The following CAND1 variants were observed in gnomAD, a reference collection of about 807,000 sequenced individuals.
CAND1 encodes cullin associated and neddylation dissociated 1, also known as cullin-associated NEDD8-dissociated protein 1.
Under a neutral mutation model 108.5 loss-of-function variants are expected in CAND1, and 7 were observed. That is an observed-to-expected ratio of 0.06 (90% CI 0.04 to 0.12). The LOEUF is 0.12. Ranked by LOEUF, CAND1 falls within the 10% of genes least tolerant of loss-of-function variation. CAND1 has a pLI of 1.00. For synonymous variants in CAND1, 534 were observed against 512.0 expected (o/e 1.04, Z -0.58); for missense variants, 941 against 1,448.7 (o/e 0.65, Z 5.69).
At chr12:67,273,383 C>A (rs1443952508) in intron 1 of CAND1, among the ~76,000 whole-genome samples, 1 of 151,796 alleles carries the variant, frequency 6.6e-6, no homozygotes, top group African/African-American at 2.4e-5. Context: ...TCGGTTGATA[C>A]CAGAGTGAAA....
In CAND1 at chr12:67,313,096, G is replaced by T; in HGVS notation, c.*266G>T. On this transcript the variant is annotated 3_prime_UTR_variant, in exon 15 of 15. Transcript: ENST00000545606. ...CATTTGAAATGGAAACTAAAAGTTA[G>T]GATTTTATGGAGTATGGAGATAGGG... 1 of 286,026 alleles carries T rather than the reference G, an allele frequency of 3.5e-6. No individual in the cohort carries two copies. The highest frequency in any genetic ancestry group is 6.6e-6 in the Non-Finnish European group (1 of 152,514). 17.7% of individuals were successfully genotyped at this position (286,026 alleles called of 1,614,324 possible).
At position 67,305,819 on chromosome 12, in the gene CAND1, C is replaced by T; in HGVS notation, c.2151C>T (p.Thr717=). The T allele has an allele frequency of 1.2e-6, 2 of 1,614,158 alleles. No individual in the cohort carries two copies. Among genetic ancestry groups the T allele is most frequent in the Non-Finnish European group, 1.7e-6 (2 of 1,180,018 alleles). The change falls in exon 10 of 15, where the codon ACC becomes ACT. Residue 717 remains threonine, a synonymous_variant. Coordinates refer to ENST00000545606, the MANE Select transcript of CAND1 (RefSeq NM_018448.5). This position sits in a 1 kb window ranked among gnomAD's most constrained non-coding sequence, Gnocchi z 4.4. ...CACAAATGGCCATCAGTTTTCTTAC[C>T]ACTTTGGCAAAAGTATATCCCTCCT... ...HVSQMAISFL[T]TLAKVYPSSL...
At chr12:67,288,838 G>A (rs61918267) in intron 2 of CAND1, among the ~76,000 whole-genome samples, 73,192 of 151,986 alleles carry the variant, frequency 0.48, 19,152 homozygotes, top group Non-Finnish European at 0.59. Context: ...GTTGAGAAGA[G>A]GGCTGAGACG....
In CAND1 at chr12:67,297,495, A is replaced by C; in HGVS notation, c.580A>C (p.Arg194=). The C allele has an allele frequency of 1.2e-6, 2 of 1,614,128 alleles. No individual in the cohort carries two copies. Among genetic ancestry groups the C allele is most frequent in the South Asian group, 2.2e-5 (2 of 91,080 alleles). ...LTSPRLAVRK[R]TIIALGHLVM... ...CAGCCCTAGACTTGCAGTGAGGAAA[A>C]GAACCATTATCGCTCTTGGCCATCT... The change falls in exon 5 of 15, where the codon AGA becomes CGA. Residue 194 remains arginine (R), a synonymous_variant. Transcript: ENST00000545606.
intron 14 of CAND1, 134 bp downstream of exon 14, chr12:67,311,934 G>A (rs895155220): frequency 1.2e-5 from 7 of 573,162 alleles, no homozygotes; most frequent in East Asian, 1.1e-4. Context: ...TTAACCTATC[G>A]AATACTGATA....
intron 2 of CAND1, among the ~76,000 whole-genome samples, chr12:67,292,320 A>T (rs951842602): frequency 1.3e-5 from 2 of 152,188 alleles, no homozygotes; most frequent in African/African-American, 4.8e-5. Flanking sequence ...AAAATAAAAA[A>T]TAAGTTTTCT....
Position 67,269,619 on chromosome 12 carries a change from CGCGA to C in CAND1, c.-93_-90del, listed in dbSNP as rs1369767031. 4 of 1,064,626 alleles carry C rather than the reference CGCGA, an allele frequency of 3.8e-6. No homozygotes were observed. The African/African-American group carries it at 6.7e-5, about 18-fold the overall frequency. 65.9% of individuals were successfully genotyped at this position (1,064,626 alleles called of 1,614,324 possible). A position where few individuals can be genotyped will look rare whatever the true frequency, so the allele number is the denominator to read the frequency against. Reference sequence around the variant, plus strand: ...CTGCGACCCTGGAAGCGGGAGCCGCCGCGAGCGAGAGGAGGAGCTCCAGTGGCGG... The same window carrying C: ...CTGCGACCCTGGAAGCGGGAGCCGCCGCGAGAGGAGGAGCTCCAGTGGCGG... On this transcript the variant is annotated 5_prime_UTR_variant, in exon 1 of 15. Coordinates refer to ENST00000545606, the MANE Select transcript of CAND1 (RefSeq NM_018448.5).
chr12:67,274,539 C>T (rs1263138707), intron 1 of CAND1, among the ~76,000 whole-genome samples: 1 of 152,220 alleles, frequency 6.6e-6, no homozygotes, highest in African/African-American at 2.4e-5. Context: ...TTCTCTTTGT[C>T]TGGCTCTGGG....
At chr12:67,302,706 C>A in intron 8 of CAND1, 91 bp downstream of exon 8, 1 of 1,140,590 alleles carries the variant, frequency 8.8e-7, no homozygotes, top group Non-Finnish European at 1.3e-6. Flanking sequence ...TCCAGAATAT[C>A]TATAGAGAAG....
intron 4 of CAND1, among the ~76,000 whole-genome samples, chr12:67,296,115 G>T (rs12322901): frequency 0.054 from 8,138 of 150,652 alleles, 720 homozygotes; most frequent in African/African-American, 0.19. Context: ...CATTCTGATA[G>T]ATTGGGGTCA....
At chr12:67,271,225 AGGGCCAAAATT>A (rs2044517794) in intron 1 of CAND1, among the ~76,000 whole-genome samples, 2 of 152,088 alleles carry the variant, frequency 1.3e-5, no homozygotes, top group Admixed American at 6.6e-5. Context: ...GTGTAGTTCT[AGGGCCAAAATT>A]AAGATTCTTG....
chr12:67,304,886 C>A, intron 9 of CAND1, 140 bp downstream of exon 9: 2 of 1,068,178 alleles, frequency 1.9e-6, no homozygotes, highest in Non-Finnish European at 2.7e-6. Context: ...TTTAATCTAA[C>A]AATCTTGAAT....
At chr12:67,284,845 C>T (rs1002017592) in intron 2 of CAND1, among the ~76,000 whole-genome samples, 10 of 77,810 alleles carry the variant, frequency 1.3e-4, no homozygotes, top group African/African-American at 3.5e-4. Context: ...TACATTCACC[C>T]TAAAGTCAGG....
chr12:67,297,520 T>A lies in CAND1; in HGVS notation c.605T>A (p.Leu202Gln). Reference sequence around the variant, plus strand: ...AGAACCATTATCGCTCTTGGCCATCTGGTTATGAGCTGTGGAAATATAGTT... The same window carrying A: ...AGAACCATTATCGCTCTTGGCCATCAGGTTATGAGCTGTGGAAATATAGTT... Reference protein sequence around the residue: ...RKRTIIALGHLVMSCGNIVFV... With the variant: ...RKRTIIALGHQVMSCGNIVFV... The change falls in exon 5 of 15, where the codon CTG becomes CAG. Residue 202 changes from leucine (L) to glutamine (Q), a missense_variant. Transcript: ENST00000545606. 6.2e-7 allele frequency: 1 copy of A among 1,614,142 alleles called. No individual in the cohort carries two copies. Among genetic ancestry groups the A allele is most frequent in the Admixed American group, 1.7e-5 (1 of 60,014 alleles).
At chr12:67,303,861 T>C (rs1233494273) in intron 8 of CAND1, among the ~76,000 whole-genome samples, 1 of 152,168 alleles carries the variant, frequency 6.6e-6, no homozygotes, top group Non-Finnish European at 1.5e-5. Context: ...ACCTGTTCGA[T>C]GGTTGCTTTT....
intron 1 of CAND1, 146 bp downstream of exon 1, chr12:67,269,931 C>G (rs569160616): frequency 6.5e-6 from 4 of 615,232 alleles, no homozygotes; most frequent in Admixed American, 3.2e-5. Context: ...GCTGGCCTCC[C>G]GATCCCTGCG....
At chr12:67,293,614 G>A (rs1470909175) in intron 3 of CAND1, among the ~76,000 whole-genome samples, 2 of 152,108 alleles carry the variant, frequency 1.3e-5, no homozygotes, top group Admixed American at 6.6e-5. Context: ...TTAGCCGGGC[G>A]TGGTGGTGCA....
At chr12:67,276,745 C>A (rs571007224) in intron 1 of CAND1, among the ~76,000 whole-genome samples, 10 of 152,290 alleles carry the variant, frequency 6.6e-5, no homozygotes, top group African/African-American at 2.4e-4. Flanking sequence ...TGTTAAGCAT[C>A]AGATCGGTTA....
intron 11 of CAND1, 122 bp from the exon 12 acceptor site, chr12:67,309,779 C>T (rs1592626007): frequency 2.3e-5 from 15 of 659,336 alleles, no homozygotes; most frequent in South Asian, 1.2e-4. Context: ...CTTCCCTGAC[C>T]GTCACTGAAG....
Sources: allele counts gnomAD v4.1 joint callset (sites outside exome capture counted in the v4.1 genomes callset), GRCh38; gene constraint gnomAD v4.1.1; non-coding constraint Gnocchi (gnomAD v3.1); transcripts MANE v1.5; gene names NCBI Gene and HGNC (gene_info 2026-07-23, HGNC 2026-07-21).